GMDS: variants seen among roughly 807,000 people sequenced by gnomAD.
The protein encoded by GMDS is GDP-mannose 4,6-dehydratase.
In GMDS, 20 loss-of-function variants were observed where a neutral mutation model predicts 49.9. That is an observed-to-expected ratio of 0.40 (90% CI 0.28 to 0.58). GMDS has a LOEUF of 0.58. Ranked by LOEUF, GMDS falls within the 20% of genes least tolerant of loss-of-function variation. The pLI, the probability that GMDS is intolerant of heterozygous loss-of-function variation, is 0.42. For synonymous variants in GMDS, 177 were observed against 178.6 expected (o/e 0.99, Z 0.07); for missense variants, 362 against 481.4 (o/e 0.75, Z 2.32).
intron 4 of GMDS, among the ~76,000 whole-genome samples, chr6:2,079,956 C>T (rs1354220236): frequency 2.0e-5 from 3 of 152,032 alleles, no homozygotes; most frequent in African/African-American, 7.2e-5. Flanking sequence ...TATGTGGTGG[C>T]TTTATAGTAT....
At chr6:1,677,715 A>G (rs1482489385) in intron 9 of GMDS, among the ~76,000 whole-genome samples, 1 of 147,910 alleles carries the variant, frequency 6.8e-6, no homozygotes, top group Non-Finnish European at 1.5e-5. Flanking sequence ...CAAGCACCGC[A>G]TGTTCTCACT....
intron 8 of GMDS, among the ~76,000 whole-genome samples, chr6:1,737,802 CACACAT>C (rs1395284549): frequency 5.8e-5 from 8 of 137,862 alleles, no homozygotes; most frequent in Non-Finnish European, 9.2e-5. Context: ...CATACATACA[CACACAT>C]ACACACACAC....
At chr6:2,004,337 G>A (rs985020013) in intron 4 of GMDS, among the ~76,000 whole-genome samples, 6 of 152,154 alleles carry the variant, frequency 3.9e-5, no homozygotes, top group African/African-American at 1.4e-4. Flanking sequence ...AGGCCATCAA[G>A]ACGCCGCTAT....
At chr6:2,112,903 T>C (rs1345587654) in intron 4 of GMDS, among the ~76,000 whole-genome samples, 2 of 151,898 alleles carry the variant, frequency 1.3e-5, no homozygotes, top group Admixed American at 1.3e-4. Flanking sequence ...CATCCCACCC[T>C]CTCACTATCA....
chr6:1,636,814 T>C (rs1044373546), intron 9 of GMDS, among the ~76,000 whole-genome samples: 4 of 152,232 alleles, frequency 2.6e-5, no homozygotes, highest in African/African-American at 7.2e-5. Context: ...CCCAAGGTTC[T>C]GTGCAGGAAT....
intron 4 of GMDS, among the ~76,000 whole-genome samples, chr6:1,994,633 A>C (rs1450453002): frequency 1.3e-5 from 2 of 151,978 alleles, no homozygotes; most frequent in East Asian, 3.9e-4. Flanking sequence ...TTTACTGCAC[A>C]ATCAGAAGTA....
chr6:1,802,891 T>A (rs1261988659), intron 7 of GMDS, among the ~76,000 whole-genome samples: 1 of 152,236 alleles, frequency 6.6e-6, no homozygotes, highest in Non-Finnish European at 1.5e-5. Context: ...GCTCCTACAT[T>A]TCTTGTGCTC....
chr6:1,842,491 A>ACTC (rs1331706683), intron 7 of GMDS, among the ~76,000 whole-genome samples: 3 of 152,196 alleles, frequency 2.0e-5, no homozygotes, highest in Admixed American at 6.5e-5. Flanking sequence ...CCAAATGGAG[A>ACTC]AGAATGTGAC....
chr6:2,083,774 C>A (rs1311735405), intron 4 of GMDS, among the ~76,000 whole-genome samples: 1 of 152,136 alleles, frequency 6.6e-6, no homozygotes, highest in African/African-American at 2.4e-5. Context: ...AACTAATCTG[C>A]AAATTATGGT....
intron 4 of GMDS, among the ~76,000 whole-genome samples, chr6:2,070,682 C>G (rs1489544649): frequency 6.6e-6 from 1 of 152,166 alleles, no homozygotes; most frequent in Admixed American, 6.5e-5. Flanking sequence ...CAGAAGCTTT[C>G]TTCAGTCCCA....
At chr6:2,193,211 G>T (rs188115048) in intron 1 of GMDS, among the ~76,000 whole-genome samples, 2 of 152,192 alleles carry the variant, frequency 1.3e-5, no homozygotes, top group Non-Finnish European at 2.9e-5. Flanking sequence ...GAATATTCAC[G>T]TGGGTAAAAA....
intron 7 of GMDS, among the ~76,000 whole-genome samples, chr6:1,760,338 C>T (rs1167163282): frequency 3.9e-5 from 6 of 152,186 alleles, no homozygotes; most frequent in Admixed American, 2.6e-4. Context: ...GCTCTGTATT[C>T]AGTGGTAAGA....
chr6:2,172,918 T>C (rs1778091129), intron 1 of GMDS, among the ~76,000 whole-genome samples: 1 of 152,176 alleles, frequency 6.6e-6, no homozygotes, highest in Non-Finnish European at 1.5e-5. Context: ...TTCTACAGCA[T>C]TCATGAAACA....
At chr6:1,992,337 C>T (rs1231144754) in intron 4 of GMDS, among the ~76,000 whole-genome samples, 1 of 152,176 alleles carries the variant, frequency 6.6e-6, no homozygotes, top group Non-Finnish European at 1.5e-5. Flanking sequence ...ATGGCCACCA[C>T]CTCACCTGAA....
chr6:2,226,682 T>C (rs527244872), intron 1 of GMDS, among the ~76,000 whole-genome samples: 1 of 152,326 alleles, frequency 6.6e-6, no homozygotes, highest in African/African-American at 2.4e-5. Context: ...CTGATTCTAC[T>C]AGCATTTACT....
chr6:1,760,229 A>C (rs1052906098), intron 7 of GMDS, among the ~76,000 whole-genome samples: 6 of 152,142 alleles, frequency 3.9e-5, no homozygotes, highest in Non-Finnish European at 5.9e-5. Flanking sequence ...GTTTTCCATG[A>C]ATTTCTTTGA....
chr6:1,852,505 T>A (rs1466748233), intron 7 of GMDS, among the ~76,000 whole-genome samples: 1 of 152,190 alleles, frequency 6.6e-6, no homozygotes, highest in African/African-American at 2.4e-5. Flanking sequence ...GCAAACGAGT[T>A]TAACAGGGCT....
At chr6:1,908,203 G>A (rs971262764) in intron 7 of GMDS, among the ~76,000 whole-genome samples, 6 of 152,336 alleles carry the variant, frequency 3.9e-5, no homozygotes, top group Admixed American at 2.0e-4. Flanking sequence ...CGGGCAGAAC[G>A]AAGTGGGATG....
At chr6:1,961,774 C>G (rs942630574) in intron 4 of GMDS, among the ~76,000 whole-genome samples, 1 of 152,202 alleles carries the variant, frequency 6.6e-6, no homozygotes, top group Non-Finnish European at 1.5e-5. Flanking sequence ...CCTGCTGCCT[C>G]GTGAATCCTC....
Sources: allele counts gnomAD v4.1 joint callset (sites outside exome capture counted in the v4.1 genomes callset), GRCh38; gene constraint gnomAD v4.1.1; transcripts MANE v1.5; gene names NCBI Gene and HGNC (gene_info 2026-07-23, HGNC 2026-07-21).